The following ALG6 variants were observed in gnomAD, a reference collection of about 807,000 sequenced individuals.
ALG6 encodes ALG6 alpha-1,3-glucosyltransferase.
Under a neutral mutation model 66.6 loss-of-function variants are expected in ALG6, and 46 were observed. The ratio of observed to expected loss-of-function variants is 0.69; its 90% CI spans 0.55 to 0.88. ALG6 has a LOEUF of 0.88. ALG6 is among the 40% of genes least tolerant of loss of function. The pLI is 0.00. For missense variants in ALG6, 505 were observed against 586.8 expected, an observed-to-expected ratio of 0.86 and a Z score of 1.44; for synonymous variants, 185 against 203.7, an observed-to-expected ratio of 0.91 and a Z score of 0.78.
chr1:63,423,048 G>A (rs1295561083), intron 12 of ALG6, among the ~76,000 whole-genome samples: 1 of 147,410 alleles, frequency 6.8e-6, no homozygotes, highest in African/African-American at 2.5e-5. Context: ...TTTTGAGGCA[G>A]GGTCTTACTC....
intron 12 of ALG6, among the ~76,000 whole-genome samples, chr1:63,427,921 T>C (rs1441301998): frequency 2.0e-5 from 3 of 151,310 alleles, no homozygotes; most frequent in Admixed American, 2.0e-4. Context: ...GTTCTCCTGC[T>C]TCAGCCTCCC....
At chr1:63,405,877 G>A (rs868294816) in intron 5 of ALG6, among the ~76,000 whole-genome samples, 1 of 151,116 alleles carries the variant, frequency 6.6e-6, no homozygotes, top group Non-Finnish European at 1.5e-5. Flanking sequence ...GGTTTCTCAA[G>A]CTCTTTATAT....
Position 63,411,337 on chromosome 1 carries a change from T to C in ALG6, c.680+6T>C. 2 of 1,613,044 alleles carry C rather than the reference T, an allele frequency of 1.2e-6. No homozygotes were observed. The highest frequency in any genetic ancestry group is 1.7e-6 in the Non-Finnish European group (2 of 1,179,570). On this transcript the variant is annotated splice_donor_region_variant and intron_variant, in intron 8 of 14. Coordinates refer to ENST00000263440, the MANE Select transcript of ALG6 (RefSeq NM_013339.4). ...AAAGGCCTCAAAGGAAAGGGGTGAG[T>C]GACTTTTAAACACTAGAATCCAAAA... is the stretch of plus-strand genomic sequence containing the variant.
At chr1:63,394,376 T>TC (rs1648758096) in intron 2 of ALG6, among the ~76,000 whole-genome samples, 1 of 152,092 alleles carries the variant, frequency 6.6e-6, no homozygotes, top group Admixed American at 6.6e-5. Context: ...CATCTTTTTT[T>TC]TTTCTTTCTT....
At chr1:63,370,576 T>C (rs1020985231) in intron 1 of ALG6, among the ~76,000 whole-genome samples, 195 bp from the exon 2 acceptor site, 8 of 152,184 alleles carry the variant, frequency 5.3e-5, no homozygotes, top group Non-Finnish European at 7.3e-5. Context: ...TCCCATTTAA[T>C]AGGGAGATCC....
At chr1:63,421,616 A>G (rs1044817371) in intron 12 of ALG6, among the ~76,000 whole-genome samples, 4 of 152,216 alleles carry the variant, frequency 2.6e-5, no homozygotes, top group Admixed American at 6.5e-5. Context: ...AAGACTTGGA[A>G]CAAACCCAGA....
At chr1:63,405,458 A>T (rs1410036107) in intron 5 of ALG6, among the ~76,000 whole-genome samples, 1 of 152,178 alleles carries the variant, frequency 6.6e-6, no homozygotes, top group Non-Finnish European at 1.5e-5. Context: ...AACAAGTCTG[A>T]TCCCTTGTAT....
At position 63,423,749 on chromosome 1, in the gene ALG6, C is replaced by G. The variant is rs560667476; in HGVS notation, c.1058+4309C>G. Among the ~76,000 whole-genome samples the G allele has an allele frequency of 4.0e-4, 61 of 152,116 alleles. 1 individual carries two copies. Among genetic ancestry groups the G allele is most frequent in the African/African-American group, 1.4e-3 (60 of 41,400 alleles). Reference sequence around the variant, plus strand: ...TGTTCATCATTCCTCAGTTGATGGACATTGGGTTGTTACCATGTTTTGGCT... The same window carrying G: ...TGTTCATCATTCCTCAGTTGATGGAGATTGGGTTGTTACCATGTTTTGGCT... On this transcript the variant is annotated intron_variant, in intron 12 of 14. Transcript: ENST00000263440.
rs1557595083 is a variant in ALG6 at position 63,422,280 on chromosome 1, A to AATATATATATTTATATAGAT, written c.1058+2844_1058+2863dup. 5.7e-4 allele frequency among the ~76,000 whole-genome samples: 43 copies of AATATATATATTTATATAGAT among 76,024 alleles called. 5 individuals are homozygous for AATATATATATTTATATAGAT. Among genetic ancestry groups the AATATATATATTTATATAGAT allele is most frequent in the African/African-American group, 2.6e-3 (43 of 16,436 alleles). 49.9% of individuals were successfully genotyped at this position (76,024 alleles called of 152,430 possible). A position where few individuals can be genotyped will look rare whatever the true frequency, so the allele number is the denominator to read the frequency against. On this transcript the variant is annotated intron_variant, in intron 12 of 14. Coordinates refer to ENST00000263440, the MANE Select transcript of ALG6 (RefSeq NM_013339.4). ...TTATATAGATATAAATATATATATA[A>AATATATATATTTATATAGAT]ATATATATATTTATATAGATATAAA...
chr1:63,425,541 G>A (rs2100436925), intron 12 of ALG6, among the ~76,000 whole-genome samples: 1 of 152,298 alleles, frequency 6.6e-6, no homozygotes, highest in South Asian at 2.1e-4. Context: ...GTAGGAGGGA[G>A]AAGTGTGAAA....
At chr1:63,406,836 T>C (rs1169529715) in intron 6 of ALG6, among the ~76,000 whole-genome samples, 4 of 152,090 alleles carry the variant, frequency 2.6e-5, no homozygotes, top group African/African-American at 9.6e-5. Context: ...ACAAAACCTT[T>C]TAGTGGTTTT....
In ALG6 at chr1:63,416,108, C is replaced by T. The variant is rs941959578; in HGVS notation, c.987+151C>T. On this transcript the variant is annotated intron_variant, in intron 11 of 14. Transcript: ENST00000263440. ...ATTGGATGTTTCCCATACTTAGCTT[C>T]TGTGTTAGACACTAAGCTAAGCAAT... 5 of 661,540 alleles carry T rather than the reference C, an allele frequency of 7.6e-6. No homozygotes were observed. The Admixed American group carries it at 1.3e-4, about 17-fold the overall frequency. 41.0% of individuals were successfully genotyped at this position (661,540 alleles called of 1,614,324 possible).
At chr1:63,388,575 A>G (rs966755738) in intron 2 of ALG6, among the ~76,000 whole-genome samples, 14 of 152,168 alleles carry the variant, frequency 9.2e-5, no homozygotes, top group African/African-American at 3.4e-4. Context: ...TGATAGGTTC[A>G]TCTTTTAGTC....
In ALG6 at chr1:63,371,067, A is replaced by G. The variant is rs772902612; in HGVS notation, c.82+8A>G. On this transcript the variant is annotated splice_region_variant and intron_variant, in intron 2 of 14. Transcript: ENST00000263440. ...CTCTTAATTCTTATTCAGGTAATAC[A>G]TTTTTACTGGTTAAAAAAAAAACGA... The G allele has an allele frequency of 6.3e-7, 1 of 1,586,852 alleles. No homozygotes were observed. Among genetic ancestry groups the G allele is most frequent in the Non-Finnish European group, 8.7e-7 (1 of 1,155,848 alleles).
At chr1:63,384,067 A>G (rs1385484238) in intron 2 of ALG6, among the ~76,000 whole-genome samples, 2 of 152,216 alleles carry the variant, frequency 1.3e-5, no homozygotes, top group African/African-American at 4.8e-5. Context: ...GCTGATGGAC[A>G]CTTAGGTTGC....
intron 2 of ALG6, among the ~76,000 whole-genome samples, chr1:63,372,353 A>G (rs1299223085): frequency 1.3e-5 from 2 of 152,186 alleles, no homozygotes. Context: ...GAGCTATGAT[A>G]TATACACAGA....
intron 11 of ALG6, among the ~76,000 whole-genome samples, chr1:63,416,678 TG>T (rs1291696235): frequency 2.0e-5 from 3 of 152,168 alleles, no homozygotes; most frequent in Non-Finnish European, 4.4e-5. Context: ...GGCAGATCTC[TG>T]TTTTAGGAGG....
intron 2 of ALG6, among the ~76,000 whole-genome samples, chr1:63,374,098 A>G (rs1471195621): frequency 3.3e-5 from 5 of 152,190 alleles, no homozygotes; most frequent in South Asian, 2.1e-4. Context: ...GAGACAACCA[A>G]TAAATGACAA....
intron 2 of ALG6, among the ~76,000 whole-genome samples, chr1:63,383,187 A>G (rs1648385756): frequency 6.6e-6 from 1 of 151,066 alleles, no homozygotes; most frequent in Non-Finnish European, 1.5e-5. Context: ...CAGTTGTGAA[A>G]TCTTAGCTCA....
Sources: allele counts gnomAD v4.1 joint callset (sites outside exome capture counted in the v4.1 genomes callset), GRCh38; gene constraint gnomAD v4.1.1; transcripts MANE v1.5; gene names NCBI Gene and HGNC (gene_info 2026-07-23, HGNC 2026-07-21).